The following MYT1L variants were observed in gnomAD, a reference collection of about 807,000 sequenced individuals.
MYT1L encodes the protein myelin transcription factor 1 like.
Under a neutral mutation model 126.7 loss-of-function variants are expected in MYT1L, and 12 were observed. That is an observed-to-expected ratio of 0.09 (90% CI 0.06 to 0.15). The LOEUF is 0.15. Among genes scored for constraint, MYT1L ranks in the 10% least tolerant of loss-of-function variants. The pLI is 1.00. For synonymous variants in MYT1L, 541 were observed against 604.2 expected (o/e 0.90, Z 1.53); for missense variants, 979 against 1,585.2 (o/e 0.62, Z 6.49).
At chr2:2,328,827 A>G (rs1216367642) in intron 1 of MYT1L, among the ~76,000 whole-genome samples, 1 of 152,216 alleles carries the variant, frequency 6.6e-6, no homozygotes, top group Non-Finnish European at 1.5e-5. Context: ...AGAGTAAAAT[A>G]TGTGTATAAT....
chr2:2,004,271 AGGCG>A (rs2062834674), intron 4 of MYT1L, among the ~76,000 whole-genome samples: 1 of 138,298 alleles, frequency 7.2e-6, no homozygotes, highest in African/African-American at 2.8e-5. Context: ...TCTTTCCTGC[AGGCG>A]TTCTTTCCTG....
chr2:1,902,817 C>T (rs193164378), intron 14 of MYT1L: 238 of 477,690 alleles, frequency 5.0e-4, no homozygotes, highest in African/African-American at 2.5e-3. Context: ...TTCTCCCTCT[C>T]CACATTCCAC....
intron 3 of MYT1L, among the ~76,000 whole-genome samples, chr2:2,107,779 G>A (rs550684845): frequency 5.9e-5 from 9 of 152,204 alleles, no homozygotes; most frequent in Non-Finnish European, 7.4e-5. Context: ...ACGTTGAGCC[G>A]CGAATGAGAG....
chr2:2,268,732 C>T lies in MYT1L; in HGVS notation c.-421+15672G>A, dbSNP rs368107637. Among the ~76,000 whole-genome samples, 18 of 152,166 alleles carry T rather than the reference C, an allele frequency of 1.2e-4. No individual in the cohort carries two copies. In the South Asian group the frequency reaches 2.7e-3, roughly 23 times the overall value. On this transcript the variant is annotated intron_variant, in intron 2 of 24. Coordinates refer to ENST00000647738, the MANE Select transcript of MYT1L (RefSeq NM_001303052.2). Reference sequence around the variant, plus strand: ...GTGTGTTTTCGGCTTGAAGATAACCCGCGGCAGTTGTTAACCCTGAGCTGC... The same window carrying T: ...GTGTGTTTTCGGCTTGAAGATAACCTGCGGCAGTTGTTAACCCTGAGCTGC...
At chr2:2,046,990 G>T (rs1186046578) in intron 4 of MYT1L, among the ~76,000 whole-genome samples, 1 of 152,006 alleles carries the variant, frequency 6.6e-6, no homozygotes, top group East Asian at 1.9e-4. Flanking sequence ...CCTCTGAATT[G>T]TCTTCCATAT....
At chr2:2,141,559 C>G (rs891328365) in intron 3 of MYT1L, among the ~76,000 whole-genome samples, 5 of 152,150 alleles carry the variant, frequency 3.3e-5, no homozygotes, top group African/African-American at 1.2e-4. Flanking sequence ...ATAGACAGAG[C>G]TAAGCTTCCC....
chr2:2,006,879 G>A (rs2063379193), intron 4 of MYT1L, among the ~76,000 whole-genome samples: 1 of 150,478 alleles, frequency 6.6e-6, no homozygotes, highest in Non-Finnish European at 1.5e-5. Context: ...CCCAGGCTGA[G>A]CTCTTTAGGA....
At chr2:1,818,136 A>G (rs1230607817) in intron 21 of MYT1L, among the ~76,000 whole-genome samples, 1 of 152,242 alleles carries the variant, frequency 6.6e-6, no homozygotes, top group Non-Finnish European at 1.5e-5. Context: ...GGAGAACATT[A>G]CAGTTGGAAA....
intron 2 of MYT1L, among the ~76,000 whole-genome samples, chr2:2,236,341 ACCCAGTACATCCCAACCCAC>A (rs1572714662): frequency 1.4e-5 from 2 of 138,190 alleles, no homozygotes; most frequent in Non-Finnish European, 3.1e-5. Flanking sequence ...TGCCAACCCA[ACCCAGTACATCCCAACCCAC>A]CCCAGTACAT....
chr2:2,199,184 C>G (rs2092951201), intron 2 of MYT1L, among the ~76,000 whole-genome samples: 1 of 152,282 alleles, frequency 6.6e-6, no homozygotes, highest in African/African-American at 2.4e-5. Context: ...TCCTTAATAA[C>G]AAAGTAAAGT....
intron 2 of MYT1L, among the ~76,000 whole-genome samples, chr2:2,196,749 A>G (rs2092816640): frequency 6.6e-6 from 1 of 152,110 alleles, no homozygotes; most frequent in South Asian, 2.1e-4. Flanking sequence ...AGTTATAGAC[A>G]GAATAAAGGA....
rs2042768519 is a variant in MYT1L, at chr2:1,848,295, AG to A, written c.2774+3345del. Among the ~76,000 whole-genome samples, 4 of 50,422 alleles carry A rather than the reference AG, an allele frequency of 7.9e-5. No individual in the cohort carries two copies. Among genetic ancestry groups the A allele is most frequent in the African/African-American group, 5.5e-4 (4 of 7,228 alleles). 33.1% of individuals were successfully genotyped at this position (50,422 alleles called of 152,430 possible). On this transcript the variant is annotated intron_variant, in intron 19 of 24. Coordinates refer to ENST00000647738, the MANE Select transcript of MYT1L (RefSeq NM_001303052.2). This position sits in a 1 kb window ranked among gnomAD's most constrained non-coding sequence, Gnocchi z 4.8. ...ATTCTACAGACACCACGGAAGCGCG[AG>A]GCATTTGTCCTGGGAGCAGGAGGAA... is the stretch of plus-strand genomic sequence containing the variant.
chr2:2,317,316 C>T (rs1237527140), intron 1 of MYT1L, among the ~76,000 whole-genome samples: 1 of 152,148 alleles, frequency 6.6e-6, no homozygotes, highest in Non-Finnish European at 1.5e-5. Flanking sequence ...CGGTGTGGTC[C>T]TGCTGATAGC....
chr2:1,882,687 G>A (rs1003749408), intron 18 of MYT1L, among the ~76,000 whole-genome samples: 10 of 152,182 alleles, frequency 6.6e-5, no homozygotes, highest in African/African-American at 2.4e-4. Context: ...AACTTGGTGA[G>A]CAGTCAAAGC....
chr2:2,122,872 T>TGTGTGTGAGAGAGAGAGA (rs553951630), intron 3 of MYT1L, among the ~76,000 whole-genome samples: 95 of 133,068 alleles, frequency 7.1e-4, no homozygotes, highest in African/African-American at 2.7e-3. Flanking sequence ...TGTGTGTGTG[T>TGTGTGTGAGAGAGAGAGA]GAGAGAGAGA....
chr2:2,233,657 C>A (rs965026661), intron 2 of MYT1L, among the ~76,000 whole-genome samples: 1 of 152,164 alleles, frequency 6.6e-6, no homozygotes, highest in African/African-American at 2.4e-5. Context: ...GTGGTTGTAA[C>A]AAGAGAGCGG....
At chr2:1,964,979 C>G (rs914856974) in intron 8 of MYT1L, among the ~76,000 whole-genome samples, 2 of 152,250 alleles carry the variant, frequency 1.3e-5, no homozygotes, top group Non-Finnish European at 2.9e-5. Flanking sequence ...GAGAGCCATT[C>G]TCCATTTGCC....
intron 9 of MYT1L, among the ~76,000 whole-genome samples, chr2:1,941,139 T>A (rs2056600761): frequency 6.6e-6 from 1 of 152,250 alleles, no homozygotes; most frequent in South Asian, 2.1e-4. Flanking sequence ...CACTTTTTAT[T>A]TTTAAAGAAA....
At chr2:1,847,740 C>T (rs1316203304) in intron 19 of MYT1L, among the ~76,000 whole-genome samples, 3 of 152,180 alleles carry the variant, frequency 2.0e-5, no homozygotes. Context: ...ACATGGAAGC[C>T]TTTGTAGGCA....
Sources: gnomAD v4.1 joint callset for allele counts (sites outside exome capture counted in the v4.1 genomes callset) on GRCh38, gnomAD v4.1.1 for gene constraint, Gnocchi (gnomAD v3.1) non-coding constraint, MANE v1.5 for transcripts, NCBI Gene and HGNC (gene_info 2026-07-23, HGNC 2026-07-21) for gene names.